The following CUX2 variants were observed in gnomAD, a reference collection of about 807,000 sequenced individuals.
CUX2 encodes the protein cut like homeobox 2, also known as homeobox protein cut-like 2.
A neutral mutation model predicts 144.8 loss-of-function variants in CUX2; 40 were observed. The ratio of observed to expected loss-of-function variants is 0.28; its 90% CI spans 0.21 to 0.36. The LOEUF is 0.36. CUX2 is among the 10% of genes least tolerant of loss of function. The pLI, the probability that CUX2 is intolerant of heterozygous loss-of-function variation, is 1.00. For synonymous variants in CUX2, 827 were observed against 875.6 expected (o/e 0.94, Z 0.98); for missense variants, 1,615 against 1,994.0 (o/e 0.81, Z 3.62).
chr12:111,242,168 G>A (rs1453964045), intron 3 of CUX2, among the ~76,000 whole-genome samples: 1 of 152,148 alleles, frequency 6.6e-6, no homozygotes, highest in Non-Finnish European at 1.5e-5. Context: ...TTTGACACTG[G>A]GCCAAGCCCA....
chr12:111,341,388 T>C (rs908525570), intron 20 of CUX2, among the ~76,000 whole-genome samples: 5 of 152,052 alleles, frequency 3.3e-5, no homozygotes, highest in African/African-American at 1.2e-4. Flanking sequence ...CTGAGCCTAG[T>C]TGGTTGAAGC....
At chr12:111,135,417 TTG>T (rs1220281645) in intron 1 of CUX2, among the ~76,000 whole-genome samples, 58 of 152,150 alleles carry the variant, frequency 3.8e-4, no homozygotes, top group African/African-American at 1.4e-3. Flanking sequence ...GGGAAGCAGT[TTG>T]ATGGTTTCTC....
chr12:111,106,240 C>T (rs1446708422), intron 1 of CUX2, among the ~76,000 whole-genome samples: 2 of 152,292 alleles, frequency 1.3e-5, no homozygotes, highest in Admixed American at 6.5e-5. Context: ...AATCCATCCA[C>T]CTCGGCCTCA....
chr12:111,145,564 C>T (rs1195240595), intron 1 of CUX2, among the ~76,000 whole-genome samples: 1 of 152,104 alleles, frequency 6.6e-6, no homozygotes, highest in East Asian at 1.9e-4. Flanking sequence ...GGCGGTCTCC[C>T]TATCTGTTGC....
chr12:111,085,071 C>T (rs1403963473), intron 1 of CUX2, among the ~76,000 whole-genome samples: 2 of 152,020 alleles, frequency 1.3e-5, no homozygotes, highest in African/African-American at 4.8e-5. Flanking sequence ...ACCTTCTAGT[C>T]TGGGGAGACA....
intron 1 of CUX2, among the ~76,000 whole-genome samples, chr12:111,118,646 A>G (rs1273766750): frequency 6.6e-6 from 1 of 152,194 alleles, no homozygotes; most frequent in Non-Finnish European, 1.5e-5. Context: ...CCAGGGCCGG[A>G]CCAGCTTCCA....
chr12:111,259,073 T>TGTGTGTTTG (rs1883982237), intron 3 of CUX2, among the ~76,000 whole-genome samples: 1 of 89,120 alleles, frequency 1.1e-5, no homozygotes, highest in Admixed American at 1.1e-4. Flanking sequence ...GTGTGTGTGT[T>TGTGTGTTTG]TGTGTGTGTG....
intron 1 of CUX2, among the ~76,000 whole-genome samples, chr12:111,103,383 TA>T (rs1278310088): frequency 6.6e-6 from 1 of 152,096 alleles, no homozygotes; most frequent in Non-Finnish European, 1.5e-5. Context: ...TGGCCAGAGA[TA>T]AAGGAGCTGG....
chr12:111,053,114 A>G (rs1208832952), intron 1 of CUX2, among the ~76,000 whole-genome samples: 6 of 152,220 alleles, frequency 3.9e-5, no homozygotes, highest in African/African-American at 1.4e-4. Flanking sequence ...CAGTTTTCTC[A>G]TCTGCAAAAT....
chr12:111,256,366 T>C (rs2136281552), intron 3 of CUX2, among the ~76,000 whole-genome samples: 1 of 152,208 alleles, frequency 6.6e-6, no homozygotes, highest in South Asian at 2.1e-4. Context: ...CATTCCCCGA[T>C]CTCTGGGTTG....
chr12:111,323,088 C>T (rs371785474), intron 18 of CUX2, among the ~76,000 whole-genome samples: 2 of 152,208 alleles, frequency 1.3e-5, no homozygotes, highest in African/African-American at 4.8e-5. Flanking sequence ...TCCCAGAGTC[C>T]GGAAGTGCTA....
At chr12:111,266,971 G>T (rs1232754614) in intron 4 of CUX2, among the ~76,000 whole-genome samples, 1 of 152,156 alleles carries the variant, frequency 6.6e-6, no homozygotes, top group African/African-American at 2.4e-5. Flanking sequence ...CCAGGTGGGA[G>T]GATCACTTGA....
At chr12:111,093,751 C>T (rs1031549563) in intron 1 of CUX2, among the ~76,000 whole-genome samples, 4 of 152,210 alleles carry the variant, frequency 2.6e-5, no homozygotes, top group Non-Finnish European at 5.9e-5. Flanking sequence ...AAATGGCTCC[C>T]TGAAACCCTC....
chr12:111,076,701 G>C (rs76245160), intron 1 of CUX2, among the ~76,000 whole-genome samples: 3,589 of 152,286 alleles, frequency 0.024, 145 homozygotes, highest in African/African-American at 0.081. Flanking sequence ...CTGCTCGAGA[G>C]TCTTATATTT....
At chr12:111,342,084 G>T in intron 21 of CUX2, 31 bp downstream of exon 21, 2 of 1,583,356 alleles carry the variant, frequency 1.3e-6, no homozygotes, top group South Asian at 1.2e-5. Flanking sequence ...CCACAGGCGG[G>T]TGGCAGAATC....
At chr12:111,276,052 A>T (rs1884857299) in intron 4 of CUX2, among the ~76,000 whole-genome samples, 1 of 152,078 alleles carries the variant, frequency 6.6e-6, no homozygotes, top group Non-Finnish European at 1.5e-5. Context: ...AAATATATAT[A>T]TTTTTAAAAA....
chr12:111,331,252 G>A (rs889218375), intron 18 of CUX2, among the ~76,000 whole-genome samples: 8 of 152,124 alleles, frequency 5.3e-5, no homozygotes, highest in African/African-American at 1.9e-4. Flanking sequence ...CGACAGAGAA[G>A]GAAGGAACCC....
At chr12:111,169,736 C>T (rs969158182) in intron 1 of CUX2, among the ~76,000 whole-genome samples, 13 of 152,126 alleles carry the variant, frequency 8.5e-5, no homozygotes, top group Non-Finnish European at 1.5e-4. Context: ...TATCTAATAG[C>T]GCTTTTGGAT....
intron 4 of CUX2, among the ~76,000 whole-genome samples, chr12:111,271,804 T>C (rs1414779938): frequency 1.3e-5 from 2 of 152,258 alleles, no homozygotes; most frequent in Non-Finnish European, 2.9e-5. Context: ...GAGTGGATTT[T>C]TTCTACCAGA....
Sources: allele counts gnomAD v4.1 joint callset (sites outside exome capture counted in the v4.1 genomes callset), GRCh38; gene constraint gnomAD v4.1.1; transcripts MANE v1.5; gene names NCBI Gene and HGNC (gene_info 2026-07-23, HGNC 2026-07-21).